Variants in ADARB2 observed in about 807,000 individuals in gnomAD.
ADARB2 encodes the protein adenosine deaminase RNA specific B2 (inactive).
A neutral mutation model predicts 62.2 loss-of-function variants in ADARB2; 25 were observed. The ratio of observed to expected loss-of-function variants is 0.40; its 90% CI spans 0.29 to 0.56. ADARB2 has a LOEUF of 0.56. Ranked by LOEUF, ADARB2 falls within the 20% of genes least tolerant of loss-of-function variation. ADARB2 has a pLI of 0.43. For synonymous variants in ADARB2, 572 were observed against 500.8 expected (o/e 1.14, Z -1.90); for missense variants, 1,071 against 1,077.4 (o/e 0.99, Z 0.08).
chr10:1,320,250 G>T (rs183145804), intron 3 of ADARB2, among the ~76,000 whole-genome samples: 1 of 152,210 alleles, frequency 6.6e-6, no homozygotes, highest in Non-Finnish European at 1.5e-5. Flanking sequence ...ATGGAGAATG[G>T]AGTGAGTCTC....
chr10:1,730,405 G>A (rs868663155), intron 1 of ADARB2, among the ~76,000 whole-genome samples: 2 of 152,130 alleles, frequency 1.3e-5, no homozygotes, highest in East Asian at 1.9e-4. Context: ...GCCCTCTTCC[G>A]CGTGAGGCTT....
intron 1 of ADARB2, among the ~76,000 whole-genome samples, chr10:1,511,555 A>T (rs1168188296): frequency 6.6e-6 from 1 of 152,120 alleles, no homozygotes; most frequent in Non-Finnish European, 1.5e-5. Context: ...GTCTGAAAGG[A>T]GTGAAGAATC....
chr10:1,582,170 G>A (rs1179816175), intron 1 of ADARB2, among the ~76,000 whole-genome samples: 2 of 152,204 alleles, frequency 1.3e-5, no homozygotes, highest in African/African-American at 4.8e-5. Flanking sequence ...AATGGATTAA[G>A]TGGTAGATGA....
chr10:1,631,193 G>A (rs111244980), intron 1 of ADARB2, among the ~76,000 whole-genome samples: 2,209 of 152,096 alleles, frequency 0.015, 31 homozygotes, highest in East Asian at 0.043. Context: ...GGGTCCCGAC[G>A]CCATCCATGA....
At chr10:1,476,395 C>G (rs1366757941) in intron 1 of ADARB2, among the ~76,000 whole-genome samples, 6 of 152,166 alleles carry the variant, frequency 3.9e-5, no homozygotes, top group African/African-American at 1.4e-4. Context: ...AAGGCCACAC[C>G]TGGGGCTCAG....
chr10:1,250,833 G>T (rs1831031684), intron 4 of ADARB2, among the ~76,000 whole-genome samples: 1 of 152,234 alleles, frequency 6.6e-6, no homozygotes, highest in African/African-American at 2.4e-5. Context: ...AAGCCCTAGT[G>T]TACATCAAGC....
chr10:1,202,368 A>G (rs1836997895), intron 7 of ADARB2, among the ~76,000 whole-genome samples: 1 of 152,096 alleles, frequency 6.6e-6, no homozygotes, highest in Non-Finnish European at 1.5e-5. Context: ...TCATAGAGGC[A>G]GAGTCTTCCT....
chr10:1,268,566 C>T (rs1321631416), intron 4 of ADARB2, among the ~76,000 whole-genome samples: 2 of 152,130 alleles, frequency 1.3e-5, no homozygotes, highest in Non-Finnish European at 2.9e-5. Context: ...TAGAACAAGA[C>T]ATATTACTCT....
chr10:1,353,593 C>G (rs1378879322), intron 3 of ADARB2, among the ~76,000 whole-genome samples: 1 of 152,180 alleles, frequency 6.6e-6, no homozygotes, highest in Non-Finnish European at 1.5e-5. Flanking sequence ...ATTATATCAA[C>G]TCTACTCCGC....
At chr10:1,226,201 T>G (rs1046276230) in intron 6 of ADARB2, among the ~76,000 whole-genome samples, 1 of 152,266 alleles carries the variant, frequency 6.6e-6, no homozygotes, top group African/African-American at 2.4e-5. Flanking sequence ...GTTGATCGCA[T>G]TGGCTACTGA....
At chr10:1,263,277 A>G (rs1408661155) in intron 4 of ADARB2, among the ~76,000 whole-genome samples, 1 of 152,118 alleles carries the variant, frequency 6.6e-6, no homozygotes, top group Non-Finnish European at 1.5e-5. Flanking sequence ...AACTTAAAGT[A>G]TAATAATAGT....
intron 1 of ADARB2, among the ~76,000 whole-genome samples, chr10:1,726,875 G>T (rs1015219740): frequency 2.6e-5 from 4 of 152,298 alleles, no homozygotes; most frequent in Middle Eastern, 6.8e-3. Context: ...AGAGGGGCCA[G>T]GGAGAGGGCC....
chr10:1,234,773 C>T (rs886965791), intron 5 of ADARB2, among the ~76,000 whole-genome samples: 5 of 76,144 alleles, frequency 6.6e-5, no homozygotes, highest in African/African-American at 1.1e-4. Flanking sequence ...TTTTTTGTGA[C>T]GGAGTCTTGC....
At chr10:1,480,845 C>T (rs1588273094) in intron 1 of ADARB2, among the ~76,000 whole-genome samples, 3 of 152,262 alleles carry the variant, frequency 2.0e-5, no homozygotes, top group African/African-American at 7.2e-5. Flanking sequence ...AATGGAAAGA[C>T]ATCTTATGAT....
rs762255962 is a variant in ADARB2 at position 1,178,018 on chromosome 10, G to A, written c.*5175C>T. The A allele has an allele frequency of 6.6e-6, 1 of 152,184 alleles. No individual in the cohort carries two copies. Among genetic ancestry groups the A allele is most frequent in the Admixed American group, 6.5e-5 (1 of 15,276 alleles). 9.4% of individuals were successfully genotyped at this position (152,184 alleles called of 1,614,324 possible). ...GATGTGGCCACCAGCGTTCCTTCTG[G>A]TGGGAGGTCAGAACATGTGGACACA... On this transcript the variant is annotated 3_prime_UTR_variant, in exon 10 of 10. Coordinates refer to ENST00000381312, the MANE Select transcript of ADARB2 (RefSeq NM_018702.4).
At chr10:1,362,980 C>A (rs1172056807) in intron 3 of ADARB2, 48 bp downstream of exon 3, 3 of 1,277,850 alleles carry the variant, frequency 2.3e-6, no homozygotes, top group East Asian at 3.1e-5. Context: ...GGGTCTCCCC[C>A]GCGCCCCCAG....
chr10:1,316,433 C>T (rs1382901097), intron 3 of ADARB2, among the ~76,000 whole-genome samples: 1 of 152,226 alleles, frequency 6.6e-6, no homozygotes, highest in Non-Finnish European at 1.5e-5. Context: ...TGGCAACGTG[C>T]AAGGTGCTGA....
intron 3 of ADARB2, among the ~76,000 whole-genome samples, chr10:1,288,449 T>A (rs1831433093): frequency 6.6e-6 from 1 of 152,210 alleles, no homozygotes; most frequent in South Asian, 2.1e-4. Context: ...AAGAGGCAGT[T>A]ACGATTATTG....
At chr10:1,321,602 C>G (rs1684003509) in intron 3 of ADARB2, among the ~76,000 whole-genome samples, 1 of 152,124 alleles carries the variant, frequency 6.6e-6, no homozygotes, top group Admixed American at 6.5e-5. Context: ...CCAGGCTGGT[C>G]TCAAATTCCC....
Sources: allele counts gnomAD v4.1 joint callset (sites outside exome capture counted in the v4.1 genomes callset), GRCh38; gene constraint gnomAD v4.1.1; transcripts MANE v1.5; gene names NCBI Gene and HGNC (gene_info 2026-07-23, HGNC 2026-07-21).